HIPK2: variants seen among roughly 807,000 people sequenced by gnomAD.
The protein encoded by HIPK2 is homeodomain-interacting protein kinase 2.
In HIPK2, 27 loss-of-function variants were observed where a neutral mutation model predicts 113.7. The ratio of observed to expected loss-of-function variants is 0.24; its 90% CI spans 0.17 to 0.33. HIPK2 has a LOEUF of 0.33. Ranked by LOEUF, HIPK2 falls within the 10% of genes least tolerant of loss-of-function variation. HIPK2 has a pLI of 1.00. For missense variants in HIPK2, 1,257 were observed against 1,588.0 expected (o/e 0.79, Z 3.54); for synonymous variants, 631 against 642.2 (o/e 0.98, Z 0.26).
intron 11 of HIPK2, among the ~76,000 whole-genome samples, chr7:139,599,325 GCA>G (rs1395636287): frequency 6.6e-6 from 1 of 152,134 alleles, no homozygotes; most frequent in Non-Finnish European, 1.5e-5. Flanking sequence ...TTTGACAAAT[GCA>G]CAGTCATAAC....
At chr7:139,727,108 T>C (rs1053630350) in intron 1 of HIPK2, among the ~76,000 whole-genome samples, 1 of 152,020 alleles carries the variant, frequency 6.6e-6, no homozygotes, top group Non-Finnish European at 1.5e-5. Flanking sequence ...GGAGTCCCCG[T>C]GGGTAAAGCT....
Position 139,566,675 on chromosome 7 carries a change from G to C in HIPK2, c.*6252C>G, listed in dbSNP as rs1317774734. The C allele has an allele frequency of 6.6e-6, 1 of 152,192 alleles. No individual in the cohort carries two copies. Among genetic ancestry groups the C allele is most frequent in the Non-Finnish European group, 1.5e-5 (1 of 68,040 alleles). The allele number at this position is 152,192 out of a possible 1,614,324, so 9.4% of individuals were successfully genotyped here. A position where few individuals can be genotyped will look rare whatever the true frequency, so the allele number is the denominator to read the frequency against. Reference sequence around the variant, plus strand: ...AATGGGGGCTGTTATCCCCCTCCCTGTGGGATGGCTGTTGGGGCCCCTTGA... The same window carrying C: ...AATGGGGGCTGTTATCCCCCTCCCTCTGGGATGGCTGTTGGGGCCCCTTGA... On this transcript the variant is annotated 3_prime_UTR_variant, in exon 15 of 15. Coordinates refer to ENST00000406875, the MANE Select transcript of HIPK2 (RefSeq NM_022740.5). The surrounding 1 kb of genome is among the most constrained non-coding windows in gnomAD (Gnocchi z 4.1).
chr7:139,654,816 C>G (rs1344754736), intron 2 of HIPK2, among the ~76,000 whole-genome samples: 1 of 152,236 alleles, frequency 6.6e-6, no homozygotes, highest in East Asian at 1.9e-4. Context: ...AACTCTCAAA[C>G]TACTCCTTGG....
chr7:139,579,093 G>C (rs989512286), intron 13 of HIPK2, among the ~76,000 whole-genome samples: 13 of 152,218 alleles, frequency 8.5e-5, no homozygotes, highest in Non-Finnish European at 2.9e-5. Flanking sequence ...CTGAGTATGG[G>C]AAAGAGCTTT....
intron 1 of HIPK2, among the ~76,000 whole-genome samples, chr7:139,762,137 AG>A (rs1448064760): frequency 2.0e-5 from 3 of 152,242 alleles, no homozygotes; most frequent in Admixed American, 1.3e-4. Flanking sequence ...AAATATGCTA[AG>A]TGGCCTGTCC....
At chr7:139,772,013 A>G (rs997213681) in intron 1 of HIPK2, among the ~76,000 whole-genome samples, 1 of 152,230 alleles carries the variant, frequency 6.6e-6, no homozygotes, top group African/African-American at 2.4e-5. Context: ...TGGAAAAAAT[A>G]ATTAAATAAA....
In HIPK2 at chr7:139,716,589, T is replaced by C. The variant is rs764868804; in HGVS notation, c.446A>G (p.Glu149Gly). 1 of 1,613,986 alleles carries C rather than the reference T, an allele frequency of 6.2e-7. No individual in the cohort carries two copies. The highest frequency in any genetic ancestry group is 8.5e-7 in the Non-Finnish European group (1 of 1,179,888). The change falls in exon 2 of 15, where the codon GAG (glutamate) becomes GGG (glycine). Residue 149 changes from glutamate (E) to glycine (G), a missense_variant. Glu to Gly is a moderately conservative substitution (Grantham distance 98). This residue lies in a region of HIPK2 where 209 missense variants were observed against 237.8 expected (regional missense o/e 0.88). Coordinates refer to ENST00000406875, the MANE Select transcript of HIPK2 (RefSeq NM_022740.5). This position sits in a 1 kb window ranked among gnomAD's most constrained non-coding sequence, Gnocchi z 9.3. ...ENTSSVQIIE[E>G]HPPMIQNNAS... ...ATTATTCTGAATCATGGGTGGATGC[T>C]CCTCGATGATCTGCACGCTGCTTGT...
chr7:139,657,046 T>C (rs370361850), intron 2 of HIPK2, among the ~76,000 whole-genome samples: 4 of 152,318 alleles, frequency 2.6e-5, no homozygotes, highest in African/African-American at 7.2e-5. Context: ...AACTTTTGTA[T>C]TTTTAATAGA....
chr7:139,571,612 CA>C lies in HIPK2; in HGVS notation c.*1314del, dbSNP rs1798282590. 6.6e-6 allele frequency: 1 copy of C among 151,384 alleles called. No individual in the cohort carries two copies. The highest frequency in any genetic ancestry group is 2.4e-5 in the African/African-American group (1 of 41,086). 9.4% of individuals were successfully genotyped at this position (151,384 alleles called of 1,614,324 possible). A position where few individuals can be genotyped will look rare whatever the true frequency, so the allele number is the denominator to read the frequency against. On this transcript the variant is annotated 3_prime_UTR_variant, in exon 15 of 15. Transcript: ENST00000406875. ...GGCTTCCCTGGCATCCTTCCGCTAG[CA>C]AACAGCCCAGGAAAGACAACGGGCA...
intron 2 of HIPK2, among the ~76,000 whole-genome samples, chr7:139,708,114 C>T (rs137913860): frequency 1.6e-4 from 24 of 152,074 alleles, no homozygotes; most frequent in African/African-American, 5.1e-4. Context: ...TCATGCCGGC[C>T]GCACCCTCTC....
intron 7 of HIPK2, among the ~76,000 whole-genome samples, chr7:139,615,307 TG>T (rs1200018320): frequency 6.6e-6 from 1 of 152,228 alleles, no homozygotes; most frequent in African/African-American, 2.4e-5. Flanking sequence ...ATGTTGAGCC[TG>T]GGGCTTTGTG....
At chr7:139,622,823 A>C (rs987341969) in intron 6 of HIPK2, among the ~76,000 whole-genome samples, 12 of 152,142 alleles carry the variant, frequency 7.9e-5, no homozygotes, top group African/African-American at 2.7e-4. Context: ...CTAATTTCTG[A>C]GTTCTGACTT....
At chr7:139,686,790 T>C (rs972421695) in intron 2 of HIPK2, among the ~76,000 whole-genome samples, 45 of 152,222 alleles carry the variant, frequency 3.0e-4, no homozygotes, top group African/African-American at 1.1e-3. Context: ...ATAAGCCTCG[T>C]TGATAAAGCA....
At chr7:139,686,661 T>C (rs1166251119) in intron 2 of HIPK2, among the ~76,000 whole-genome samples, 1 of 152,234 alleles carries the variant, frequency 6.6e-6, no homozygotes, top group African/African-American at 2.4e-5. Flanking sequence ...GATTGTAAGT[T>C]TTCTAAGGGC....
chr7:139,736,293 G>C (rs1795935525), intron 1 of HIPK2, among the ~76,000 whole-genome samples: 2 of 152,248 alleles, frequency 1.3e-5, no homozygotes, highest in African/African-American at 4.8e-5. Context: ...GGTGACAGGA[G>C]AATGAAGGGA....
chr7:139,704,690 C>G (rs1052858798), intron 2 of HIPK2, among the ~76,000 whole-genome samples: 2 of 152,210 alleles, frequency 1.3e-5, no homozygotes, highest in Non-Finnish European at 2.9e-5. Context: ...ATCACTCCAG[C>G]CTTGGCTTTT....
intron 6 of HIPK2, among the ~76,000 whole-genome samples, chr7:139,623,771 G>T (rs1401662061): frequency 6.6e-6 from 1 of 152,044 alleles, no homozygotes; most frequent in African/African-American, 2.4e-5. Context: ...GGCGGGTCCA[G>T]CCTTGAGACC....
At chr7:139,653,180 G>A (rs968323842) in intron 2 of HIPK2, among the ~76,000 whole-genome samples, 9 of 149,650 alleles carry the variant, frequency 6.0e-5, no homozygotes, top group Non-Finnish European at 1.2e-4. Flanking sequence ...GGAGAACAAG[G>A]AAGTGACACA....
At chr7:139,737,171 G>A (rs560842605) in intron 1 of HIPK2, among the ~76,000 whole-genome samples, 1 of 152,034 alleles carries the variant, frequency 6.6e-6, no homozygotes, top group African/African-American at 2.4e-5. Context: ...TATTCCTACC[G>A]AGGTCTTACC....
Sources: allele counts gnomAD v4.1 joint callset (sites outside exome capture counted in the v4.1 genomes callset), GRCh38; gene constraint gnomAD v4.1.1; regional missense constraint gnomAD v4.1.1; non-coding constraint Gnocchi (gnomAD v3.1); transcripts MANE v1.5; gene names NCBI Gene and HGNC (gene_info 2026-07-23, HGNC 2026-07-21).